Variants in BBS2 observed in about 807,000 individuals in gnomAD.
BBS2 encodes BBSome complex member BBS2.
A neutral mutation model predicts 83.0 loss-of-function variants in BBS2; 62 were observed. That is an observed-to-expected ratio of 0.75 (90% CI 0.61 to 0.92). The LOEUF (loss-of-function observed/expected upper bound fraction) is 0.92. Among genes scored for constraint, BBS2 ranks in the 40% least tolerant of loss-of-function variants. The pLI, the probability that BBS2 is intolerant of heterozygous loss-of-function variation, is 0.00. For synonymous variants in BBS2, 303 were observed against 326.1 expected, an observed-to-expected ratio of 0.93 and a Z score of 0.76; for missense variants, 784 against 901.0, an observed-to-expected ratio of 0.87 and a Z score of 1.66.
rs117776341 is a variant in BBS2, at chr16:56,508,352, A to T, written c.612+1605T>A. Among the ~76,000 whole-genome samples the T allele has an allele frequency of 3.1e-3, 470 of 152,278 alleles. 13 individuals are homozygous for T. The South Asian group carries it at 0.057, about 18-fold the overall frequency. ...CGAGCTTTTCTGATACAGACTCCTA[A>T]ATACCACATAACTAAATTTTGCAAA... On this transcript the variant is annotated intron_variant, in intron 5 of 16. Transcript: ENST00000245157.
intron 1 of BBS2, among the ~76,000 whole-genome samples, chr16:56,518,520 C>CA (rs1267162839): frequency 6.6e-6 from 1 of 152,200 alleles, no homozygotes; most frequent in Non-Finnish European, 1.5e-5. Flanking sequence ...CTCATGACCC[C>CA]ACGTATTAGG....
chr16:56,508,584 T>C (rs1392938941), intron 5 of BBS2, among the ~76,000 whole-genome samples: 1 of 152,172 alleles, frequency 6.6e-6, no homozygotes, highest in African/African-American at 2.4e-5. Flanking sequence ...AGGTAATCTT[T>C]AGATAGTGCT....
At position 56,519,784 on chromosome 16, in the gene BBS2, T is replaced by A. The variant is rs776681366; in HGVS notation, c.79A>T (p.Thr27Ser). ...GTGGCGGCCGCCAGGCACGGGTGAG[T>A]CCCGTCGTAGCGCCCTATGGCCACC... ...RMVAIGRYDG[T>S]HPCLAAATQT... Residue 27 changes from threonine (T) to serine (S), a missense_variant, in exon 1 of 17, where the codon ACT (threonine) becomes TCT (serine). Thr to Ser is a moderately conservative substitution (Grantham distance 58, BLOSUM62 1). Coordinates refer to ENST00000245157, the MANE Select transcript of BBS2 (RefSeq NM_031885.5). The A allele has an allele frequency of 3.1e-6, 5 of 1,613,554 alleles. No individual in the cohort carries two copies. The highest frequency in any genetic ancestry group is 4.2e-6 in the Non-Finnish European group (5 of 1,179,760).
chr16:56,500,442 A>G (rs576108380), intron 11 of BBS2: 2 of 252,992 alleles, frequency 7.9e-6, no homozygotes, highest in African/African-American at 4.6e-5. Flanking sequence ...CCTGGCCAAC[A>G]TGGTGAACTC....
At chr16:56,497,288 A>G (rs1277676845) in intron 14 of BBS2, 6 of 601,220 alleles carry the variant, frequency 1.0e-5, no homozygotes, top group Non-Finnish European at 1.8e-5. Context: ...CTCCATGTGA[A>G]TCTTCCCCAT....
chr16:56,507,030 C>T (rs1434289189), intron 5 of BBS2, among the ~76,000 whole-genome samples: 2 of 152,198 alleles, frequency 1.3e-5, no homozygotes, highest in Non-Finnish European at 2.9e-5. Context: ...ACACCTACAG[C>T]TTTTCTACAA....
At chr16:56,475,435 C>T in intron 17 of BBS2, 1 of 1,346,200 alleles carries the variant, frequency 7.4e-7, no homozygotes, top group Non-Finnish European at 1.1e-6. Context: ...AGCATGGGAT[C>T]AGTGATTTAA....
intron 17 of BBS2, among the ~76,000 whole-genome samples, chr16:56,473,679 A>G (rs1297012693): frequency 6.0e-5 from 9 of 150,474 alleles, no homozygotes; most frequent in Non-Finnish European, 8.9e-5. Flanking sequence ...GCGTGGTTGT[A>G]TATTTTTCCC....
chr16:56,519,660 G>C (rs1964860996), intron 1 of BBS2, 86 bp downstream of exon 1: 2 of 1,109,480 alleles, frequency 1.8e-6, no homozygotes, highest in Non-Finnish European at 2.7e-6. Context: ...GGCGGGGTCG[G>C]AGAGGGGACG....
At chr16:56,486,748 CTTTTTTTT>C (rs1190474419) in intron 15 of BBS2, among the ~76,000 whole-genome samples, 1 of 84,216 alleles carries the variant, frequency 1.2e-5, no homozygotes. Flanking sequence ...CAGAAATATT[CTTTTTTTT>C]TTTTTTTTTT....
At chr16:56,490,112 T>TCA (rs1166402599) in intron 15 of BBS2, among the ~76,000 whole-genome samples, 5 of 137,890 alleles carry the variant, frequency 3.6e-5, no homozygotes, top group East Asian at 2.1e-4. Context: ...AGACCCTATC[T>TCA]CACACACACA....
At chr16:56,497,480 G>A in intron 14 of BBS2, 1 of 536,416 alleles carries the variant, frequency 1.9e-6, no homozygotes, top group South Asian at 2.1e-5. Context: ...AAGATGAAGA[G>A]CTAACAAAGG....
intron 14 of BBS2, 73 bp downstream of exon 14, chr16:56,497,670 G>C: frequency 1.3e-6 from 2 of 1,582,412 alleles, no homozygotes; most frequent in Non-Finnish European, 1.7e-6. Context: ...AAGTACATTT[G>C]TAGTACCATT....
At chr16:56,497,101 G>C (rs1324110946) in intron 14 of BBS2, 22 bp from the exon 15 acceptor site, 1 of 1,481,374 alleles carries the variant, frequency 6.8e-7, no homozygotes, top group Non-Finnish European at 9.4e-7. Context: ...GAACACTCAG[G>C]AATGAAAAAG....
intron 15 of BBS2, among the ~76,000 whole-genome samples, chr16:56,493,792 A>G (rs1469326390): frequency 1.3e-5 from 2 of 152,194 alleles, no homozygotes; most frequent in African/African-American, 4.8e-5. Flanking sequence ...TTTGACGGAA[A>G]CTCCCTGCTG....
At position 56,519,940 on chromosome 16, in the gene BBS2, A is replaced by C; in HGVS notation, c.-78T>G. The C allele has an allele frequency of 7.9e-7, 1 of 1,267,788 alleles. No homozygotes were observed. Among genetic ancestry groups the C allele is most frequent in the African/African-American group, 1.5e-5 (1 of 68,082 alleles). The allele number at this position is 1,267,788 out of a possible 1,614,324, so 78.5% of individuals were successfully genotyped here. On this transcript the variant is annotated 5_prime_UTR_variant, in exon 1 of 17. Coordinates refer to ENST00000245157, the MANE Select transcript of BBS2 (RefSeq NM_031885.5). ...AGCTGGCCTCACGCGCCCGGGCAAG[A>C]AGTGCAGGGACACTACCTGCGCGGC... is the stretch of plus-strand genomic sequence containing the variant.
intron 7 of BBS2, 128 bp from the exon 8 acceptor site, chr16:56,502,936 A>T: frequency 8.5e-7 from 1 of 1,180,730 alleles, no homozygotes; most frequent in South Asian, 1.4e-5. Flanking sequence ...ATGAAGCCCT[A>T]CAACTTCTCA....
chr16:56,495,843 A>G (rs1466939731), intron 15 of BBS2, among the ~76,000 whole-genome samples: 1 of 151,774 alleles, frequency 6.6e-6, no homozygotes, highest in Admixed American at 6.6e-5. Context: ...TGTCTGAAAT[A>G]GTTGTGGCTA....
chr16:56,501,235 G>A lies in BBS2; in HGVS notation c.1225+118C>T, dbSNP rs567664722. 628 of 1,421,054 alleles carry A rather than the reference G, an allele frequency of 4.4e-4. 3 individuals carry two copies. Among genetic ancestry groups the A allele is most frequent in the Non-Finnish European group, 5.8e-4 (591 of 1,015,674 alleles). The allele number at this position is 1,421,054 out of a possible 1,614,324, so 88.0% of individuals were successfully genotyped here. On this transcript the variant is annotated intron_variant, in intron 10 of 16. Coordinates refer to ENST00000245157, the MANE Select transcript of BBS2 (RefSeq NM_031885.5). ...TGAGACAGGAGAATGGCATGAACCC[G>A]GGAGGCAGAGCTTGCAGTGAGCCAA...
Sources: gnomAD v4.1 joint callset for allele counts (sites outside exome capture counted in the v4.1 genomes callset) on GRCh38, gnomAD v4.1.1 for gene constraint, MANE v1.5 for transcripts, NCBI Gene and HGNC (gene_info 2026-07-23, HGNC 2026-07-21) for gene names.